MGAT5: variants seen among roughly 807,000 people sequenced by gnomAD.
MGAT5 encodes the protein alpha-1,6-mannosylglycoprotein 6-beta-N-acetylglucosaminyltransferase, also known as alpha-1,6-mannosylglycoprotein 6-beta-N-acetylglucosaminyltransferase A.
MGAT5 carries 30 observed loss-of-function variants against 94.3 expected under a neutral mutation model. The observed-to-expected ratio is 0.32, with a 90% CI of 0.24 to 0.43. MGAT5 has a LOEUF of 0.43. Ranked by LOEUF, MGAT5 falls within the 20% of genes least tolerant of loss-of-function variation. MGAT5 has a pLI of 1.00. For synonymous variants in MGAT5, 310 were observed against 322.9 expected (o/e 0.96, Z 0.43); for missense variants, 691 against 905.5 (o/e 0.76, Z 3.04).
At chr2:134,282,203 A>G (rs745551916) in intron 2 of MGAT5, among the ~76,000 whole-genome samples, 31 of 152,210 alleles carry the variant, frequency 2.0e-4, no homozygotes, top group Admixed American at 5.2e-4. Context: ...GCCTGTGTCT[A>G]TGCCACATGG....
At chr2:134,417,790 A>G (rs1684064629) in intron 12 of MGAT5, among the ~76,000 whole-genome samples, 1 of 152,104 alleles carries the variant, frequency 6.6e-6, no homozygotes, top group South Asian at 2.1e-4. Flanking sequence ...ATAGCAGTGG[A>G]TTTGTATAGT....
intron 2 of MGAT5, among the ~76,000 whole-genome samples, chr2:134,275,580 T>TC (rs1684309295): frequency 1.7e-5 from 1 of 57,562 alleles, no homozygotes; most frequent in African/African-American, 9.0e-5. Context: ...GCTATTTCCT[T>TC]TTTTTTTTTT....
At chr2:134,286,423 A>G (rs1685004552) in intron 2 of MGAT5, among the ~76,000 whole-genome samples, 1 of 151,506 alleles carries the variant, frequency 6.6e-6, no homozygotes, top group Non-Finnish European at 1.5e-5. Context: ...AGGGGAAATC[A>G]TGAGATTTCT....
intron 1 of MGAT5, among the ~76,000 whole-genome samples, chr2:134,263,795 TG>T (rs1164626863): frequency 1.3e-5 from 2 of 152,088 alleles, no homozygotes; most frequent in African/African-American, 4.8e-5. Flanking sequence ...TTGAAAATAA[TG>T]TGAATTTTTA....
At chr2:134,271,894 T>C (rs1433269556) in intron 2 of MGAT5, among the ~76,000 whole-genome samples, 1 of 152,210 alleles carries the variant, frequency 6.6e-6, no homozygotes, top group Non-Finnish European at 1.5e-5. Flanking sequence ...TTGCCACCCC[T>C]GTACCCTGTA....
intron 1 of MGAT5, among the ~76,000 whole-genome samples, chr2:134,122,936 CA>C (rs535500833): frequency 1.2e-4 from 18 of 152,352 alleles, no homozygotes; most frequent in Non-Finnish European, 2.4e-4. Flanking sequence ...ATCTCCTCAG[CA>C]GTGTGCATTT....
At position 134,133,073 on chromosome 2, in the gene MGAT5, T is replaced by C. The variant is rs140280226; in HGVS notation, c.-143+12782T>C. Among the ~76,000 whole-genome samples the C allele has an allele frequency of 1.5e-4, 23 of 152,364 alleles. No homozygotes were observed. In the East Asian group the frequency reaches 4.4e-3, roughly 29 times the overall value. ...TTATTTATTCATTAGATCCCGGCAG[T>C]GCCTTTTTTGGTGATATAATGGAGT... is the stretch of plus-strand genomic sequence containing the variant. On this transcript the variant is annotated intron_variant, in intron 1 of 16. Coordinates refer to the MGAT5 transcript ENST00000409645.
chr2:134,261,402 C>A (rs6726322), intron 1 of MGAT5, among the ~76,000 whole-genome samples: 3,424 of 152,198 alleles, frequency 0.022, 88 homozygotes, highest in East Asian at 0.08. Flanking sequence ...AAGCTCCGCA[C>A]CCCCTCAAGT....
At chr2:134,178,766 T>A (rs952888569) in intron 1 of MGAT5, among the ~76,000 whole-genome samples, 2 of 152,216 alleles carry the variant, frequency 1.3e-5, no homozygotes, top group African/African-American at 2.4e-5. Flanking sequence ...TGTGGCTTTG[T>A]TAACACCTGT....
At chr2:134,215,742 T>G (rs1358646793) in intron 1 of MGAT5, among the ~76,000 whole-genome samples, 2 of 152,204 alleles carry the variant, frequency 1.3e-5, no homozygotes, top group African/African-American at 4.8e-5. Flanking sequence ...AGTGGGATTT[T>G]GGGATCATGG....
chr2:134,219,475 C>G (rs767875502), intron 1 of MGAT5, among the ~76,000 whole-genome samples: 9 of 152,138 alleles, frequency 5.9e-5, no homozygotes, highest in Non-Finnish European at 1.0e-4. Flanking sequence ...AACGAACAGA[C>G]AGTTCAATTA....
At chr2:134,342,443 T>G (rs1024132820) in intron 7 of MGAT5, among the ~76,000 whole-genome samples, 2 of 152,170 alleles carry the variant, frequency 1.3e-5, no homozygotes, top group Admixed American at 6.6e-5. Flanking sequence ...ATACCTTGAA[T>G]GAACATTCTA....
chr2:134,140,484 T>C (rs896327113), intron 1 of MGAT5, among the ~76,000 whole-genome samples: 3 of 152,218 alleles, frequency 2.0e-5, no homozygotes, highest in African/African-American at 7.2e-5. Context: ...GGTCAGATGT[T>C]ATCCAGCGTG....
chr2:134,327,530 C>G (rs1397646464), intron 4 of MGAT5, among the ~76,000 whole-genome samples: 1 of 152,032 alleles, frequency 6.6e-6, no homozygotes, highest in African/African-American at 2.4e-5. Context: ...ATCATGGATC[C>G]CCTGGACAAA....
At chr2:134,179,957 T>C (rs1688657940) in intron 1 of MGAT5, among the ~76,000 whole-genome samples, 2 of 152,152 alleles carry the variant, frequency 1.3e-5, no homozygotes, top group South Asian at 4.1e-4. Context: ...CCTCTGGTCA[T>C]CCTCACTGCT....
intron 1 of MGAT5, among the ~76,000 whole-genome samples, chr2:134,168,388 G>A (rs767299024): frequency 6.6e-6 from 1 of 152,132 alleles, no homozygotes; most frequent in Admixed American, 6.5e-5. Flanking sequence ...ATTGTATTTG[G>A]GGGACACTTT....
At chr2:134,142,549 A>G (rs1224448210) in intron 1 of MGAT5, among the ~76,000 whole-genome samples, 1 of 152,212 alleles carries the variant, frequency 6.6e-6, no homozygotes, top group Non-Finnish European at 1.5e-5. Flanking sequence ...CAGATGAGTG[A>G]ACTGAGGCAC....
intron 1 of MGAT5, 132 bp from the exon 2 acceptor site, chr2:134,270,254 G>A: frequency 1.2e-6 from 1 of 836,746 alleles, no homozygotes; most frequent in Non-Finnish European, 1.8e-6. Context: ...TCTTTCAGAT[G>A]TGGTTTGACA....
chr2:134,420,782 C>T (rs1220318285), intron 12 of MGAT5, among the ~76,000 whole-genome samples: 1 of 152,004 alleles, frequency 6.6e-6, no homozygotes, highest in Non-Finnish European at 1.5e-5. Flanking sequence ...ACCTTGCCTA[C>T]CCGTGTAATT....
Sources: allele counts gnomAD v4.1 joint callset (sites outside exome capture counted in the v4.1 genomes callset), GRCh38; gene constraint gnomAD v4.1.1; transcripts MANE v1.5; gene names NCBI Gene and HGNC (gene_info 2026-07-23, HGNC 2026-07-21).